The following MYMX variants were observed in gnomAD, a reference collection of about 807,000 sequenced individuals.
MYMX encodes the protein myomixer, myoblast fusion factor, also known as protein myomixer.
the MYMX span, among the ~76,000 whole-genome samples, chr6:44,198,831 G>A: frequency 9.9e-5 from 15 of 152,072 alleles, no homozygotes; most frequent in Admixed American, 9.2e-4. Context: ...GGTCAGGCTG[G>A]TCTCAAACTC....
At chr6:44,211,788 T>TTGTGTGTGTGTGTGTGTGTG in the MYMX span, among the ~76,000 whole-genome samples, 5,351 of 126,270 alleles carry the variant, frequency 0.042, 174 homozygotes, top group African/African-American at 0.052. Context: ...CAGCTAGGTT[T>TTGTGTGTGTGTGTGTGTGTG]TGTGTGTGTG....
the MYMX span, among the ~76,000 whole-genome samples, chr6:44,204,893 G>A: frequency 6.6e-6 from 1 of 152,086 alleles, no homozygotes; most frequent in African/African-American, 2.4e-5. Context: ...TCATAGACCT[G>A]CCAAAGAACT....
At chr6:44,212,742 A>G (rs1486855044), upstream of MYMX, among the ~76,000 whole-genome samples, 1 of 151,536 alleles carries the variant, frequency 6.6e-6, no homozygotes, top group African/African-American at 2.4e-5. Context: ...CAAAGCTAGA[A>G]TTTGGGCTTG....
the MYMX span, among the ~76,000 whole-genome samples, chr6:44,206,420 C>G: frequency 6.6e-6 from 1 of 151,842 alleles, no homozygotes; most frequent in African/African-American, 2.4e-5. Context: ...TTAGTAGAGA[C>G]GGGGTTTTGC....
chr6:44,204,798 G>T, the MYMX span, among the ~76,000 whole-genome samples: 2 of 151,792 alleles, frequency 1.3e-5, no homozygotes, highest in East Asian at 3.9e-4. Flanking sequence ...TGTTTCTTGG[G>T]GTCTTATATT....
At chr6:44,206,000 A>G in the MYMX span, among the ~76,000 whole-genome samples, 8 of 149,054 alleles carry the variant, frequency 5.4e-5, 2 homozygotes, top group Non-Finnish European at 8.9e-5. Context: ...AAACAAAACA[A>G]AAAAAAACCT....
chr6:44,203,502 A>C, the MYMX span, among the ~76,000 whole-genome samples: 1 of 152,158 alleles, frequency 6.6e-6, no homozygotes, highest in Admixed American at 6.6e-5. Context: ...GAGGGAAAAG[A>C]GGAACAGTCC....
At chr6:44,203,563 C>A in the MYMX span, among the ~76,000 whole-genome samples, 19 of 152,104 alleles carry the variant, frequency 1.2e-4, no homozygotes, top group African/African-American at 4.3e-4. Context: ...GACTTTGGAG[C>A]CCACAAGGAA....
the MYMX span, among the ~76,000 whole-genome samples, chr6:44,200,297 G>A: frequency 6.6e-6 from 1 of 151,966 alleles, no homozygotes; most frequent in East Asian, 1.9e-4. Flanking sequence ...CTGGGGTCTT[G>A]CCTAGTTTTT....
At chr6:44,216,135 G>C (rs576729537), upstream of MYMX, among the ~76,000 whole-genome samples, 1 of 152,296 alleles carries the variant, frequency 6.6e-6, no homozygotes, top group East Asian at 1.9e-4. Flanking sequence ...GGGCCCACAG[G>C]GGCCTGCTTG....
In MYMX at chr6:44,217,517, T is replaced by C. The variant is rs3734701; in HGVS notation, c.46T>C (p.Cys16Arg). The part of the protein sequence containing the change: ...LPLLLRLLLS[C>R]LLLPAARLAR... ...GCTGCTGCTTCGATTGCTGCTGTCCTGCCTGCTGCTGCCTGCTGCCCGCCT... is the reference window on the plus strand; with the variant it reads ...GCTGCTGCTTCGATTGCTGCTGTCCCGCCTGCTGCTGCCTGCTGCCCGCCT... Residue 16 changes from cysteine to arginine, a missense_variant, in exon 2 of 2, where the codon TGC becomes CGC. By Grantham distance (180) the Cys-to-Arg change is radical. Transcript: ENST00000573382. 331,025 of 405,444 alleles carry C rather than the reference T, an allele frequency of 0.82. 136,108 individuals carry two copies. The highest frequency in any genetic ancestry group is 0.95 in the African/African-American group (46,661 of 48,880). 25.1% of individuals were successfully genotyped at this position (405,444 alleles called of 1,614,324 possible). A position where few individuals can be genotyped will look rare whatever the true frequency, so the allele number is the denominator to read the frequency against.
chr6:44,206,122 T>C, the MYMX span, among the ~76,000 whole-genome samples: 3 of 151,994 alleles, frequency 2.0e-5, no homozygotes, highest in African/African-American at 7.2e-5. Flanking sequence ...GGATTCCAGG[T>C]AAGATTCTTA....
chr6:44,193,251 A>G, the MYMX span, among the ~76,000 whole-genome samples: 1 of 152,048 alleles, frequency 6.6e-6, no homozygotes, highest in Non-Finnish European at 1.5e-5. Flanking sequence ...GTCATTGAAT[A>G]TTTACATTGT....
the MYMX span, among the ~76,000 whole-genome samples, chr6:44,200,247 T>C: frequency 6.6e-6 from 1 of 152,142 alleles, no homozygotes; most frequent in South Asian, 2.1e-4. Flanking sequence ...AATATTTAGG[T>C]CTTCTTTTTT....
the MYMX span, among the ~76,000 whole-genome samples, chr6:44,196,914 C>T: frequency 2.2e-4 from 34 of 151,554 alleles, no homozygotes; most frequent in South Asian, 6.7e-3. Context: ...GCTGAGATGG[C>T]GCCATTGCAT....
intron 1 of MYMX, 106 bp from the exon 2 acceptor site, chr6:44,217,344 A>C: frequency 2.5e-6 from 1 of 397,696 alleles, no homozygotes; most frequent in Non-Finnish European, 4.4e-6. Flanking sequence ...GGTCAGGAGC[A>C]GGAAGGTGTA....
the MYMX span, among the ~76,000 whole-genome samples, chr6:44,203,318 C>T: frequency 3.3e-5 from 5 of 152,016 alleles, no homozygotes; most frequent in South Asian, 8.3e-4. Context: ...TTATTTGTTC[C>T]GTAAACCAAA....
upstream of MYMX, among the ~76,000 whole-genome samples, chr6:44,212,705 G>A (rs1249352684): frequency 1.3e-5 from 2 of 151,774 alleles, no homozygotes; most frequent in African/African-American, 4.8e-5. Context: ...TTACAAATTA[G>A]CCTTAATATA....
upstream of MYMX, among the ~76,000 whole-genome samples, chr6:44,212,712 T>C (rs1207553276): frequency 6.6e-6 from 1 of 151,860 alleles, no homozygotes; most frequent in African/African-American, 2.4e-5. Flanking sequence ...TTAGCCTTAA[T>C]ATAAAAAAAT....
Sources: allele counts gnomAD v4.1 joint callset (sites outside exome capture counted in the v4.1 genomes callset), GRCh38; gene constraint gnomAD v4.1.1; transcripts MANE v1.5; gene names NCBI Gene and HGNC (gene_info 2026-07-23, HGNC 2026-07-21).